Variants in PBX1 observed in about 807,000 individuals in gnomAD.
PBX1 encodes the protein PBX homeobox 1, also known as pre-B-cell leukemia transcription factor 1.
A neutral mutation model predicts 53.4 loss-of-function variants in PBX1; 6 were observed. The observed-to-expected ratio is 0.11, with a 90% confidence interval of 0.06 to 0.22. PBX1 has a LOEUF of 0.22. Ranked by LOEUF, PBX1 falls within the 10% of genes least tolerant of loss-of-function variation. PBX1 has a pLI of 1.00. For missense variants in PBX1, 251 were observed against 551.4 expected (o/e 0.46, Z 5.46); for synonymous variants, 204 against 212.3 (o/e 0.96, Z 0.34).
At chr1:164,740,220 A>G (rs1383562392) in intron 2 of PBX1, among the ~76,000 whole-genome samples, 1 of 152,154 alleles carries the variant, frequency 6.6e-6, no homozygotes, top group Admixed American at 6.5e-5. Context: ...TAGACCCAGC[A>G]CCTTGGATCT....
chr1:164,814,736 C>G (rs1669796737), intron 6 of PBX1: 1 of 154,512 alleles, frequency 6.5e-6, no homozygotes. Context: ...GAAACTCCAA[C>G]TCCAAAAACA....
At chr1:164,656,230 A>C (rs1660154561) in intron 2 of PBX1, among the ~76,000 whole-genome samples, 1 of 152,208 alleles carries the variant, frequency 6.6e-6, no homozygotes, top group Admixed American at 6.5e-5. Context: ...TAATTATGTA[A>C]CTCTAGCCAG....
intron 6 of PBX1, chr1:164,816,914 A>G (rs1669906367): frequency 6.6e-6 from 1 of 151,958 alleles, no homozygotes; most frequent in African/African-American, 2.4e-5. Flanking sequence ...TAGAAATGCA[A>G]TTTTCTGGAA....
chr1:164,664,020 G>C (rs12121197), intron 2 of PBX1, among the ~76,000 whole-genome samples: 11,058 of 152,250 alleles, frequency 0.073, 501 homozygotes, highest in South Asian at 0.14. Context: ...AAAAAGGCTG[G>C]ATTGTCAGTC....
intron 6 of PBX1, chr1:164,818,071 G>A (rs576863005): frequency 6.6e-6 from 1 of 152,052 alleles, no homozygotes; most frequent in Non-Finnish European, 1.5e-5. Flanking sequence ...GATTCTTCTT[G>A]GTTCTGATGA....
chr1:164,562,944 T>A (rs1653167528), intron 1 of PBX1: 1 of 186,438 alleles, frequency 5.4e-6, no homozygotes, highest in South Asian at 1.7e-4. Flanking sequence ...GGTTTAAGAA[T>A]TACTCTTTGA....
At chr1:164,869,881 A>G (rs371775198) in intron 2 of PBX1, among the ~76,000 whole-genome samples, 1 of 152,208 alleles carries the variant, frequency 6.6e-6, no homozygotes, top group Middle Eastern at 3.2e-3. Flanking sequence ...GGCAGAGTAT[A>G]CAGCACATTC....
intron 2 of PBX1, among the ~76,000 whole-genome samples, chr1:164,751,423 T>G (rs1018332980): frequency 1.3e-5 from 2 of 152,078 alleles, no homozygotes; most frequent in African/African-American, 4.8e-5. Context: ...ACAGACTGAA[T>G]GCAGAAACAA....
chr1:164,600,246 CTTTTTTTTTT>C lies in PBX1; in HGVS notation c.265+36949_265+36958del, dbSNP rs71097539. Among the ~76,000 whole-genome samples the C allele has an allele frequency of 2.5e-5, 3 of 121,876 alleles. No homozygotes were observed. The East Asian group carries it at 9.7e-4, about 40-fold the overall frequency. 80.0% of individuals were successfully genotyped at this position (121,876 alleles called of 152,430 possible). On this transcript the variant is annotated intron_variant, in intron 2 of 8. Coordinates refer to ENST00000420696, the MANE Select transcript of PBX1 (RefSeq NM_002585.4). Reference sequence around the variant, plus strand: ...ATTAAGAGCCTAAAGTATGCTGCTGCTTTTTTTTTTTTTTTTTTTTTTTGATACAGAGTCT... The same window carrying C: ...ATTAAGAGCCTAAAGTATGCTGCTGCTTTTTTTTTTTTTGATACAGAGTCT...
chr1:164,650,129 T>C (rs1360965217), intron 2 of PBX1, among the ~76,000 whole-genome samples: 1 of 152,048 alleles, frequency 6.6e-6, no homozygotes, highest in Non-Finnish European at 1.5e-5. Flanking sequence ...GGCCTCACAT[T>C]GTGGCCAGCC....
intron 8 of PBX1, among the ~76,000 whole-genome samples, chr1:164,836,930 C>A (rs1008859845): frequency 6.6e-6 from 1 of 152,130 alleles, no homozygotes; most frequent in East Asian, 1.9e-4. Flanking sequence ...AGTGATGGCA[C>A]GTAAATTGCT....
At chr1:164,839,823 G>A (rs1191230320) in intron 8 of PBX1, among the ~76,000 whole-genome samples, 2 of 152,080 alleles carry the variant, frequency 1.3e-5, no homozygotes, top group African/African-American at 2.4e-5. Flanking sequence ...GATTCAAGAG[G>A]CTTGATGGGA....
chr1:164,709,560 G>A (rs1484824362), intron 2 of PBX1, among the ~76,000 whole-genome samples: 2 of 151,990 alleles, frequency 1.3e-5, no homozygotes, highest in Non-Finnish European at 2.9e-5. Context: ...TCAGAGGACC[G>A]AGTTTAAGAC....
chr1:164,746,371 T>C (rs1311486933), intron 2 of PBX1, among the ~76,000 whole-genome samples: 1 of 152,168 alleles, frequency 6.6e-6, no homozygotes, highest in African/African-American at 2.4e-5. Context: ...CCTAAACTAT[T>C]CTTTTTTCTT....
At chr1:164,590,854 T>C (rs1053599384) in intron 2 of PBX1, among the ~76,000 whole-genome samples, 1 of 152,104 alleles carries the variant, frequency 6.6e-6, no homozygotes, top group African/African-American at 2.4e-5. Context: ...GGTTTTTGTT[T>C]GTTTGTTTGA....
intron 2 of PBX1, among the ~76,000 whole-genome samples, chr1:164,671,769 C>T (rs1243065023): frequency 5.3e-5 from 8 of 151,994 alleles, no homozygotes; most frequent in South Asian, 4.2e-4. Context: ...AAAGCCTCTG[C>T]GCCTTTGGAA....
At chr1:164,722,993 A>C (rs1011585740) in intron 2 of PBX1, among the ~76,000 whole-genome samples, 2 of 152,184 alleles carry the variant, frequency 1.3e-5, no homozygotes, top group African/African-American at 4.8e-5. Context: ...GGTTTGCAGA[A>C]ATGGTGAACT....
At chr1:164,576,048 T>G (rs1485892297) in intron 2 of PBX1, among the ~76,000 whole-genome samples, 2 of 152,196 alleles carry the variant, frequency 1.3e-5, no homozygotes, top group Non-Finnish European at 2.9e-5. Context: ...AGAGAGCATG[T>G]TCGTTCAGAC....
At chr1:164,855,978 C>T (rs557004687), downstream of PBX1, among the ~76,000 whole-genome samples, 1 of 152,186 alleles carries the variant, frequency 6.6e-6, no homozygotes, top group Non-Finnish European at 1.5e-5. Context: ...TGAGATTTAT[C>T]TTGATTTCCA....
Sources: allele counts gnomAD v4.1 joint callset (sites outside exome capture counted in the v4.1 genomes callset), GRCh38; gene constraint gnomAD v4.1.1; transcripts MANE v1.5; gene names NCBI Gene and HGNC (gene_info 2026-07-23, HGNC 2026-07-21).